The following SLC23A2 variants were observed in gnomAD, a reference collection of about 807,000 sequenced individuals.
The protein encoded by SLC23A2 is solute carrier family 23 member 2, also known as Na(+)/L-ascorbic acid transporter 2.
SLC23A2 carries 36 observed loss-of-function variants against 73.3 expected under a neutral mutation model. The observed-to-expected ratio is 0.49, with a 90% CI of 0.38 to 0.65. The LOEUF (loss-of-function observed/expected upper bound fraction) is 0.65. Among genes scored for constraint, SLC23A2 ranks in the 30% least tolerant of loss-of-function variants. The pLI is 0.00. For missense variants in SLC23A2, 507 were observed against 841.6 expected, an observed-to-expected ratio of 0.60 and a Z score of 4.92; for synonymous variants, 343 against 327.3, an observed-to-expected ratio of 1.05 and a Z score of -0.52.
intron 4 of SLC23A2, among the ~76,000 whole-genome samples, chr20:4,909,641 C>T (rs993157652): frequency 6.6e-6 from 1 of 152,174 alleles, no homozygotes; most frequent in Non-Finnish European, 1.5e-5. Flanking sequence ...ACAACCTCTG[C>T]CTCCTGGATT....
chr20:4,861,994 A>G lies in SLC23A2; in HGVS notation c.1578T>C (p.Phe526=), dbSNP rs1345688791. 1 of 1,614,234 alleles carries G rather than the reference A, an allele frequency of 6.2e-7. No individual in the cohort carries two copies. The highest frequency in any genetic ancestry group is 2.2e-5 in the East Asian group (1 of 44,888). The part of the protein sequence containing the change: ...NLFVLGFSIF[F]GLVLPSYLRQ... ...TGAGGTAACTTGGAAGGACGAGCCC[A>G]AAGAAGATCGAAAATCCAAGCACAA... Residue 526 remains phenylalanine (F), a synonymous_variant, in exon 15 of 17, where the codon TTT becomes TTC. Coordinates refer to ENST00000338244, the MANE Select transcript of SLC23A2 (RefSeq NM_005116.6).
intron 6 of SLC23A2, among the ~76,000 whole-genome samples, chr20:4,891,875 C>T (rs1307546797): frequency 6.6e-6 from 1 of 152,138 alleles, no homozygotes; most frequent in Non-Finnish European, 1.5e-5. Flanking sequence ...CTCAGCCTCC[C>T]GAGAAGCTGG....
At chr20:4,968,109 T>C (rs946079696) in intron 2 of SLC23A2, among the ~76,000 whole-genome samples, 1 of 152,166 alleles carries the variant, frequency 6.6e-6, no homozygotes, top group Non-Finnish European at 1.5e-5. Flanking sequence ...CATCTGATTG[T>C]ACAGTCCGGA....
intron 4 of SLC23A2, among the ~76,000 whole-genome samples, chr20:4,904,704 G>A (rs527446286): frequency 3.2e-4 from 49 of 152,328 alleles, no homozygotes; most frequent in Admixed American, 9.8e-4. Flanking sequence ...TCATAACAAA[G>A]AGAAATGTCT....
rs142924193 is a variant in SLC23A2 at position 4,881,535 on chromosome 20, G to A, written c.824+2107C>T. On this transcript the variant is annotated intron_variant, in intron 9 of 16. Transcript: ENST00000338244. ...CTGACGGGATCTGTGGCAGATCTAT[G>A]TGCACAGGCTTCCTCTTATCCTGCT... 3.2e-3 allele frequency among the ~76,000 whole-genome samples: 494 copies of A among 152,284 alleles called. 1 individual carries two copies. The highest frequency in any genetic ancestry group is 4.9e-3 in the Admixed American group (75 of 15,306).
intron 2 of SLC23A2, among the ~76,000 whole-genome samples, chr20:4,936,859 A>G (rs2086968863): frequency 6.6e-6 from 1 of 152,196 alleles, no homozygotes; most frequent in Non-Finnish European, 1.5e-5. Context: ...TGCCTGGAGT[A>G]TCCTGAAGCC....
intron 9 of SLC23A2, among the ~76,000 whole-genome samples, chr20:4,879,166 G>A (rs1930776941): frequency 6.6e-6 from 1 of 152,106 alleles, no homozygotes; most frequent in Non-Finnish European, 1.5e-5. Flanking sequence ...CAGCACTTTG[G>A]GAGGCTGAGG....
At chr20:4,895,122 G>A (rs919358583) in intron 6 of SLC23A2, among the ~76,000 whole-genome samples, 15 of 152,356 alleles carry the variant, frequency 9.8e-5, no homozygotes, top group African/African-American at 2.9e-4. Context: ...AACCACTTCG[G>A]AGCTGGAGAA....
intron 2 of SLC23A2, among the ~76,000 whole-genome samples, chr20:4,951,244 T>G (rs2087197919): frequency 6.6e-6 from 1 of 152,004 alleles, no homozygotes; most frequent in Non-Finnish European, 1.5e-5. Flanking sequence ...GGAAACAAGA[T>G]TGACAATTAT....
chr20:4,972,292 T>A (rs1006062209), intron 1 of SLC23A2, among the ~76,000 whole-genome samples: 2 of 151,712 alleles, frequency 1.3e-5, no homozygotes, highest in Non-Finnish European at 2.9e-5. Context: ...CCAAGTTAAA[T>A]AGCACACAAA....
At chr20:4,966,877 A>C (rs182815337) in intron 2 of SLC23A2, among the ~76,000 whole-genome samples, 16 of 151,032 alleles carry the variant, frequency 1.1e-4, no homozygotes, top group African/African-American at 3.4e-4. Flanking sequence ...TCTTTATCCA[A>C]ACATCAAAGA....
chr20:4,963,908 C>T (rs1046075388), intron 2 of SLC23A2, among the ~76,000 whole-genome samples: 3 of 151,994 alleles, frequency 2.0e-5, no homozygotes, highest in Non-Finnish European at 4.4e-5. Context: ...ATAATTTACA[C>T]AACAAATTGT....
In SLC23A2 at chr20:4,853,786, CT is replaced by C. The variant is rs1421650143; in HGVS notation, c.*3185del. ...ATTCTGGCTGGCATGGTTAAAGCCA[CT>C]TCTCTTGCCTTGATCAATCCCAAGA... is the stretch of plus-strand genomic sequence containing the variant. On this transcript the variant is annotated 3_prime_UTR_variant, in exon 17 of 17. Coordinates refer to ENST00000338244, the MANE Select transcript of SLC23A2 (RefSeq NM_005116.6). The C allele has an allele frequency of 6.6e-6, 1 of 152,400 alleles. No individual in the cohort carries two copies. Among genetic ancestry groups the C allele is most frequent in the African/African-American group, 2.4e-5 (1 of 41,444 alleles). The allele number at this position is 152,400 out of a possible 1,614,324, so 9.4% of individuals were successfully genotyped here.
rs1051400802 is a variant in SLC23A2, at chr20:4,856,857, T to C, written c.*115A>G. 3.7e-5 allele frequency: 26 copies of C among 710,562 alleles called. No homozygotes were observed. The African/African-American group carries it at 4.1e-4, about 11-fold the overall frequency. The allele number at this position is 710,562 out of a possible 1,614,324, so 44.0% of individuals were successfully genotyped here. A position where few individuals can be genotyped will look rare whatever the true frequency, so the allele number is the denominator to read the frequency against. The stretch of plus-strand genomic sequence containing the variant: ...AAAGTGATTCGCAGTCTGTCTTAGC[T>C]CTGGGGCGCAGAATGTAAATGTAGA... On this transcript the variant is annotated 3_prime_UTR_variant, in exon 17 of 17. Transcript: ENST00000338244. The surrounding 1 kb of genome is among the most constrained non-coding windows in gnomAD (Gnocchi z 4.6).
chr20:4,960,651 CAT>C (rs1191545591), intron 2 of SLC23A2, among the ~76,000 whole-genome samples: 11 of 152,268 alleles, frequency 7.2e-5, no homozygotes, highest in Middle Eastern at 3.4e-3. Context: ...ATCACGCAAT[CAT>C]TATTATATGT....
chr20:4,951,694 T>C (rs1022542052), intron 2 of SLC23A2, among the ~76,000 whole-genome samples: 5 of 152,200 alleles, frequency 3.3e-5, no homozygotes, highest in Admixed American at 3.3e-4. Context: ...TAAAATTGTA[T>C]TGTGGTGATG....
At position 4,972,866 on chromosome 20, in the gene SLC23A2, A is replaced by ATGTG. The variant is rs1568650150; in HGVS notation, c.-281-1948_-281-1947insCACA. 9.6e-3 allele frequency among the ~76,000 whole-genome samples: 1,454 copies of ATGTG among 151,516 alleles called. 28 individuals carry two copies. The highest frequency in any genetic ancestry group is 0.04 in the East Asian group (202 of 5,084). On this transcript the variant is annotated intron_variant, in intron 1 of 16. Coordinates refer to ENST00000338244, the MANE Select transcript of SLC23A2 (RefSeq NM_005116.6). ...CCCAAAGTGCTGGGATTACAGGCACAAGCCACTATGCCAAGCCTTAAGCTA... is the reference window on the plus strand; with the variant it reads ...CCCAAAGTGCTGGGATTACAGGCACATGTGAGCCACTATGCCAAGCCTTAAGCTA...
At chr20:4,983,449 A>G (rs139007031) in intron 1 of SLC23A2, among the ~76,000 whole-genome samples, 4,510 of 151,050 alleles carry the variant, frequency 0.03, 231 homozygotes, top group African/African-American at 0.1. Flanking sequence ...GATCGAGACC[A>G]TCCTGGCCAA....
At chr20:4,928,224 T>C (rs1932735338) in intron 3 of SLC23A2, among the ~76,000 whole-genome samples, 1 of 152,068 alleles carries the variant, frequency 6.6e-6, no homozygotes, top group African/African-American at 2.4e-5. Flanking sequence ...ATTTTTGGTA[T>C]GAATGAGGGT....
Sources: allele counts gnomAD v4.1 joint callset (sites outside exome capture counted in the v4.1 genomes callset), GRCh38; gene constraint gnomAD v4.1.1; non-coding constraint Gnocchi (gnomAD v3.1); transcripts MANE v1.5; gene names NCBI Gene and HGNC (gene_info 2026-07-23, HGNC 2026-07-21).